RNF121: variants seen among roughly 807,000 people sequenced by gnomAD.
RNF121 encodes the protein ring finger protein 121.
A neutral mutation model predicts 46.5 loss-of-function variants in RNF121; 21 were observed. The observed-to-expected ratio is 0.45, with a 90% CI of 0.32 to 0.65. The LOEUF (loss-of-function observed/expected upper bound fraction) is 0.65, where lower values mean the gene tolerates loss of function less well. Among genes scored for constraint, RNF121 ranks in the 30% least tolerant of loss-of-function variants. The probability of loss-of-function intolerance (pLI) is 0.04; values close to 1 mark genes in which losing one functional copy is unlikely to be tolerated. For missense variants in RNF121, 346 were observed against 416.0 expected, an observed-to-expected ratio of 0.83 and a Z score of 1.46; for synonymous variants, 139 against 144.7, an observed-to-expected ratio of 0.96 and a Z score of 0.28.
intron 4 of RNF121, 186 bp downstream of exon 4, chr11:71,983,101 A>C (rs751251017): frequency 4.6e-6 from 2 of 438,884 alleles, no homozygotes; most frequent in Non-Finnish European, 7.8e-6. Context: ...AAAAACCTCA[A>C]ATATTTCTGT....
chr11:71,990,519 C>T, intron 5 of RNF121, 78 bp from the exon 6 acceptor site: 1 of 1,552,836 alleles, frequency 6.4e-7, no homozygotes, highest in Admixed American at 1.9e-5. Flanking sequence ...TGGGCCCTGC[C>T]TTGTGTGTCC....
At chr11:71,992,627 G>A (rs1250055646) in intron 6 of RNF121, among the ~76,000 whole-genome samples, 3 of 152,166 alleles carry the variant, frequency 2.0e-5, no homozygotes, top group Admixed American at 6.5e-5. Flanking sequence ...TTTGGACTTA[G>A]ATATAGTTTG....
At chr11:71,969,251 C>T (rs573228011) in intron 3 of RNF121, among the ~76,000 whole-genome samples, 2 of 151,930 alleles carry the variant, frequency 1.3e-5, no homozygotes, top group South Asian at 2.1e-4. Context: ...ACAATACTCA[C>T]GTAAAGGTGA....
At chr11:71,955,144 C>T (rs1953963117) in intron 1 of RNF121, among the ~76,000 whole-genome samples, 1 of 152,108 alleles carries the variant, frequency 6.6e-6, no homozygotes, top group Non-Finnish European at 1.5e-5. Flanking sequence ...CTCTTAAGGT[C>T]CTGCAAGTGC....
chr11:71,957,819 T>C (rs932475793), intron 2 of RNF121, among the ~76,000 whole-genome samples: 2 of 152,214 alleles, frequency 1.3e-5, no homozygotes, highest in African/African-American at 4.8e-5. Flanking sequence ...ATATATCTTA[T>C]GATGATTGCT....
At chr11:71,949,798 C>T (rs1953821052) in intron 1 of RNF121, among the ~76,000 whole-genome samples, 2 of 151,728 alleles carry the variant, frequency 1.3e-5, no homozygotes, top group South Asian at 4.2e-4. Flanking sequence ...AGTCCAAGAC[C>T]ACCCTGGCTA....
intron 4 of RNF121, among the ~76,000 whole-genome samples, chr11:71,985,643 A>G (rs1267639213): frequency 6.6e-6 from 1 of 152,184 alleles, no homozygotes; most frequent in African/African-American, 2.4e-5. Flanking sequence ...TTTCCTCCCT[A>G]GGGTTCAGCA....
chr11:71,961,629 A>T (rs966605281), intron 3 of RNF121, among the ~76,000 whole-genome samples: 3 of 152,258 alleles, frequency 2.0e-5, no homozygotes, highest in Admixed American at 6.5e-5. Flanking sequence ...CAGAAAACAA[A>T]TAGCAAAATG....
intron 5 of RNF121, 98 bp downstream of exon 5, chr11:71,987,209 G>A (rs1954788736): frequency 8.9e-6 from 7 of 787,198 alleles, no homozygotes; most frequent in East Asian, 2.5e-5. Flanking sequence ...CAGGAGGGAC[G>A]TAATATCCAG....
intron 1 of RNF121, among the ~76,000 whole-genome samples, chr11:71,934,902 TTC>T (rs1953367683): frequency 1.3e-5 from 2 of 151,906 alleles, no homozygotes; most frequent in Non-Finnish European, 2.9e-5. Context: ...AGATTACTTA[TTC>T]TGTGCCTAGT....
At chr11:71,961,137 CAT>C (rs1185859774) in intron 3 of RNF121, among the ~76,000 whole-genome samples, 1 of 152,154 alleles carries the variant, frequency 6.6e-6, no homozygotes, top group Non-Finnish European at 1.5e-5. Flanking sequence ...CCCTTCGAAA[CAT>C]TGTGGGACAG....
At chr11:71,961,654 TTCC>T (rs1954136705) in intron 3 of RNF121, among the ~76,000 whole-genome samples, 1 of 152,236 alleles carries the variant, frequency 6.6e-6, no homozygotes, top group Non-Finnish European at 1.5e-5. Context: ...AAGTTAATTC[TTCC>T]TTACCAGTAA....
chr11:71,991,148 C>T (rs1251451653), intron 6 of RNF121, among the ~76,000 whole-genome samples: 1 of 152,044 alleles, frequency 6.6e-6, no homozygotes, highest in Non-Finnish European at 1.5e-5. Context: ...CAGGATCATT[C>T]GCACCCCAGA....
chr11:71,942,533 C>T (rs1338905230), intron 1 of RNF121, among the ~76,000 whole-genome samples: 1 of 151,808 alleles, frequency 6.6e-6, no homozygotes, highest in Admixed American at 6.6e-5. Flanking sequence ...GAGGCTGAGG[C>T]GGGCGGATTA....
chr11:71,933,357 G>A (rs1953322064), intron 1 of RNF121, among the ~76,000 whole-genome samples: 1 of 152,180 alleles, frequency 6.6e-6, no homozygotes, highest in South Asian at 2.1e-4. Context: ...AGAGTTCAAA[G>A]CAGGTATCCC....
chr11:71,941,230 A>G (rs1372929275), intron 1 of RNF121, among the ~76,000 whole-genome samples: 2 of 152,240 alleles, frequency 1.3e-5, no homozygotes, highest in African/African-American at 2.4e-5. Context: ...TAGGAGCGAG[A>G]TGATGCGGAC....
intron 3 of RNF121, 119 bp downstream of exon 3, chr11:71,961,010 CT>C: frequency 1.8e-6 from 2 of 1,135,492 alleles, no homozygotes; most frequent in Non-Finnish European, 1.3e-6. Flanking sequence ...TAACAATGAA[CT>C]TTATGTATGA....
intron 3 of RNF121, among the ~76,000 whole-genome samples, chr11:71,974,490 G>A (rs1158063967): frequency 6.6e-6 from 1 of 152,110 alleles, no homozygotes; most frequent in Non-Finnish European, 1.5e-5. Context: ...GTCAGGGTAG[G>A]TATTTATCTT....
intron 3 of RNF121, among the ~76,000 whole-genome samples, chr11:71,971,056 A>C (rs971709672): frequency 1.3e-5 from 2 of 152,222 alleles, no homozygotes; most frequent in African/African-American, 4.8e-5. Flanking sequence ...ATAAAGACCT[A>C]ATTATGAAAG....
Sources: allele counts gnomAD v4.1 joint callset (sites outside exome capture counted in the v4.1 genomes callset), GRCh38; gene constraint gnomAD v4.1.1; transcripts MANE v1.5; gene names NCBI Gene and HGNC (gene_info 2026-07-23, HGNC 2026-07-21).